GRM8: variants seen among roughly 807,000 people sequenced by gnomAD.
The protein encoded by GRM8 is glutamate metabotropic receptor 8, also known as metabotropic glutamate receptor 8.
Under a neutral mutation model 87.2 loss-of-function variants are expected in GRM8, and 47 were observed. The observed-to-expected ratio is 0.54, with a 90% CI of 0.43 to 0.69. GRM8 has a LOEUF of 0.69. GRM8 is among the 30% of genes least tolerant of loss of function. The pLI is 0.00. For synonymous variants in GRM8, 396 were observed against 404.5 expected (o/e 0.98, Z 0.25); for missense variants, 1,019 against 1,139.2 (o/e 0.89, Z 1.52).
chr7:127,217,812 T>C (rs1187853039), intron 2 of GRM8, among the ~76,000 whole-genome samples: 1 of 152,358 alleles, frequency 6.6e-6, no homozygotes, highest in African/African-American at 2.4e-5. Context: ...GATTAAGAGA[T>C]AGTCTACAGA....
chr7:127,179,625 G>A (rs1312471795), intron 2 of GRM8, among the ~76,000 whole-genome samples: 4 of 152,066 alleles, frequency 2.6e-5, no homozygotes, highest in Non-Finnish European at 5.9e-5. Context: ...ATAAGTTTAA[G>A]AAAGTTGAAA....
intron 3 of GRM8, among the ~76,000 whole-genome samples, chr7:126,914,753 C>T (rs1803707462): frequency 6.6e-6 from 1 of 152,086 alleles, no homozygotes; most frequent in Non-Finnish European, 1.5e-5. Context: ...GAACAATAGA[C>T]ACTGGAAACT....
intron 7 of GRM8, among the ~76,000 whole-genome samples, chr7:126,732,995 A>G (rs1357534297): frequency 1.3e-5 from 2 of 152,102 alleles, no homozygotes; most frequent in African/African-American, 4.8e-5. Flanking sequence ...AAACATTAGG[A>G]AAATTGTCTG....
At chr7:126,840,671 T>A (rs1796192910) in intron 6 of GRM8, among the ~76,000 whole-genome samples, 1 of 152,214 alleles carries the variant, frequency 6.6e-6, no homozygotes, top group South Asian at 2.1e-4. Flanking sequence ...CATGACTTGC[T>A]AATGAATATA....
chr7:126,529,346 C>T (rs961415126), intron 9 of GRM8, among the ~76,000 whole-genome samples: 2 of 152,118 alleles, frequency 1.3e-5, no homozygotes, highest in Non-Finnish European at 2.9e-5. Context: ...ATAAGAAGAG[C>T]TATATGTTAA....
At chr7:126,992,616 G>T (rs1382091818) in intron 3 of GRM8, among the ~76,000 whole-genome samples, 2 of 152,004 alleles carry the variant, frequency 1.3e-5, no homozygotes, top group African/African-American at 4.8e-5. Context: ...ATTAAATAAG[G>T]ATATTTCTAT....
chr7:126,636,429 T>C (rs907633011), intron 7 of GRM8, among the ~76,000 whole-genome samples: 5 of 152,102 alleles, frequency 3.3e-5, no homozygotes, highest in African/African-American at 4.8e-5. Flanking sequence ...AAATTACTTA[T>C]ACCTAATACA....
intron 7 of GRM8, among the ~76,000 whole-genome samples, chr7:126,740,085 T>A (rs1219182972): frequency 1.3e-5 from 2 of 152,108 alleles, no homozygotes; most frequent in East Asian, 3.9e-4. Context: ...ATGGTCTACA[T>A]TTATATAGTA....
intron 7 of GRM8, among the ~76,000 whole-genome samples, chr7:126,610,492 T>C (rs989512507): frequency 1.1e-4 from 16 of 152,312 alleles, no homozygotes; most frequent in Admixed American, 6.5e-4. Flanking sequence ...ATTTCTAAAC[T>C]GTGCTAGAGG....
chr7:126,553,870 G>A (rs1012871057), intron 8 of GRM8, among the ~76,000 whole-genome samples: 6 of 152,126 alleles, frequency 3.9e-5, no homozygotes, highest in Non-Finnish European at 7.4e-5. Flanking sequence ...AACATAAGAG[G>A]AAAGCTGAAG....
At chr7:126,923,596 G>A (rs1367374257) in intron 3 of GRM8, among the ~76,000 whole-genome samples, 10 of 152,248 alleles carry the variant, frequency 6.6e-5, no homozygotes, top group Non-Finnish European at 1.2e-4. Flanking sequence ...AGGGCCACAA[G>A]AAAATGAAAT....
chr7:126,589,976 C>T (rs1302369929), intron 8 of GRM8, among the ~76,000 whole-genome samples: 2 of 151,968 alleles, frequency 1.3e-5, no homozygotes, highest in African/African-American at 2.4e-5. Flanking sequence ...GGTTGTTTAG[C>T]ACCCTCAAAA....
chr7:126,441,078 A>G (rs1801421270), intron 10 of GRM8, among the ~76,000 whole-genome samples: 1 of 152,078 alleles, frequency 6.6e-6, no homozygotes, highest in Admixed American at 6.6e-5. Flanking sequence ...CTCAATTCTT[A>G]GAGGCTGATG....
At chr7:126,800,532 G>A (rs10267279) in intron 6 of GRM8, among the ~76,000 whole-genome samples, 9,291 of 152,114 alleles carry the variant, frequency 0.061, 903 homozygotes, top group African/African-American at 0.21. Context: ...CTTGCTACAC[G>A]CTAATTTGTT....
chr7:126,597,541 A>C (rs1013085128), intron 8 of GRM8, among the ~76,000 whole-genome samples: 2 of 151,986 alleles, frequency 1.3e-5, no homozygotes, highest in African/African-American at 4.8e-5. Flanking sequence ...AACCTTATTT[A>C]TTCTACTTGT....
intron 3 of GRM8, among the ~76,000 whole-genome samples, chr7:127,015,936 A>G (rs1175667317): frequency 6.6e-6 from 1 of 152,122 alleles, no homozygotes; most frequent in African/African-American, 2.4e-5. Context: ...GGTTTAAGAC[A>G]TTTGAGAGAA....
chr7:127,130,039 A>C (rs972878383), intron 2 of GRM8, among the ~76,000 whole-genome samples: 5 of 152,116 alleles, frequency 3.3e-5, no homozygotes, highest in Non-Finnish European at 7.4e-5. Flanking sequence ...GAGAGTTCTC[A>C]TGAGATCTAA....
In GRM8 at chr7:127,245,741, T is replaced by C. The variant is rs141535901; in HGVS notation, c.-311-2226A>G. The stretch of plus-strand genomic sequence containing the variant: ...ATGCACTGAAATGGAAAACTAGAGG[T>C]TCAGTTTTGGTTTCATTTCAGTTTC... On this transcript the variant is annotated intron_variant, in intron 1 of 10. Transcript: ENST00000339582. 3.3e-5 allele frequency among the ~76,000 whole-genome samples: 5 copies of C among 152,258 alleles called. No homozygotes were observed. The East Asian group carries it at 9.7e-4, about 29-fold the overall frequency.
chr7:126,953,858 A>T (rs1285957408), intron 3 of GRM8, among the ~76,000 whole-genome samples: 1 of 152,158 alleles, frequency 6.6e-6, no homozygotes, highest in African/African-American at 2.4e-5. Flanking sequence ...TAAATGGATG[A>T]CTACTTTATA....
Sources: gnomAD v4.1 joint callset for allele counts (sites outside exome capture counted in the v4.1 genomes callset) on GRCh38, gnomAD v4.1.1 for gene constraint, MANE v1.5 for transcripts, NCBI Gene and HGNC (gene_info 2026-07-23, HGNC 2026-07-21) for gene names.